MSANTD2: variants seen among roughly 807,000 people sequenced by gnomAD.
MSANTD2 encodes the protein myb/SANT-like DNA-binding domain-containing protein 2.
A neutral mutation model predicts 52.6 loss-of-function variants in MSANTD2; 19 were observed. The ratio of observed to expected loss-of-function variants is 0.36; its 90% CI spans 0.25 to 0.53. MSANTD2 has a LOEUF of 0.53. MSANTD2 is among the 20% of genes least tolerant of loss of function. The pLI is 0.91. For missense variants in MSANTD2, 558 were observed against 716.3 expected (o/e 0.78, Z 2.52); for synonymous variants, 291 against 289.7 (o/e 1.00, Z -0.04).
intron 1 of MSANTD2, among the ~76,000 whole-genome samples, chr11:124,799,050 T>C (rs1015980847): frequency 2.6e-5 from 4 of 152,212 alleles, no homozygotes; most frequent in East Asian, 1.9e-4. Flanking sequence ...CATTTAAACA[T>C]GCAGGTACAC....
At chr11:124,791,079 T>G in intron 1 of MSANTD2, 1 of 559,726 alleles carries the variant, frequency 1.8e-6, no homozygotes, top group Non-Finnish European at 3.2e-6. Context: ...GATGAAGAGA[T>G]AACGTGTAAG....
At chr11:124,791,250 C>T in intron 1 of MSANTD2, 1 of 1,442,248 alleles carries the variant, frequency 6.9e-7, no homozygotes, top group South Asian at 1.1e-5. Context: ...TCACAACAAG[C>T]AAACCTGGAG....
At position 124,795,548 on chromosome 11, in the gene MSANTD2, T is replaced by C. The variant is rs1258928051; in HGVS notation, c.510+4323A>G. On this transcript the variant is annotated intron_variant, in intron 1 of 3. Coordinates refer to ENST00000374979, the MANE Select transcript of MSANTD2 (RefSeq NM_001308027.2). ...ACACTTATAGTCTGCTTTAGGCAAATAACACTAAATCAAGTACCGCCTTGC... is the reference window on the plus strand; with the variant it reads ...ACACTTATAGTCTGCTTTAGGCAAACAACACTAAATCAAGTACCGCCTTGC... 3.3e-5 allele frequency among the ~76,000 whole-genome samples: 5 copies of C among 152,196 alleles called. No individual in the cohort carries two copies. The East Asian group carries it at 7.7e-4, about 23-fold the overall frequency.
chr11:124,788,073 C>A (rs1945215979), intron 1 of MSANTD2, among the ~76,000 whole-genome samples: 1 of 144,258 alleles, frequency 6.9e-6, no homozygotes, highest in Middle Eastern at 3.4e-3. Context: ...CAGAGCAAGA[C>A]CCTGTCTCAA....
rs559172726 is a variant in MSANTD2, at chr11:124,782,236, C to T, written c.511-7262G>A. 1.1e-4 allele frequency among the ~76,000 whole-genome samples: 17 copies of T among 151,858 alleles called. No individual in the cohort carries two copies. The South Asian group carries it at 1.7e-3, about 15-fold the overall frequency. ...GCCAAGGCTGGAGGACGCTTCAAGG[C>T]CAGGAGTCAAGACCAGCCTGGTCAA... On this transcript the variant is annotated intron_variant, in intron 1 of 3. Coordinates refer to ENST00000374979, the MANE Select transcript of MSANTD2 (RefSeq NM_001308027.2).
chr11:124,772,920 A>G, intron 3 of MSANTD2, 74 bp downstream of exon 3: 1 of 948,246 alleles, frequency 1.1e-6, no homozygotes. Context: ...ATATGTCTAA[A>G]TATTTTCTGA....
chr11:124,798,877 G>C (rs1464585143), intron 1 of MSANTD2, among the ~76,000 whole-genome samples: 1 of 152,242 alleles, frequency 6.6e-6, no homozygotes, highest in Middle Eastern at 3.4e-3. Context: ...TAAAAACTGG[G>C]AGAATCCTAT....
At position 124,800,038 on chromosome 11, in the gene MSANTD2, C is replaced by A. The variant is rs745420138; in HGVS notation, c.343G>T (p.Val115Leu). The change falls in exon 1 of 4, where the codon GTG becomes TTG. Residue 115 changes from valine (V) to leucine (L), a missense_variant. Coordinates refer to ENST00000374979, the MANE Select transcript of MSANTD2 (RefSeq NM_001308027.2). This position sits in a 1 kb window ranked among gnomAD's most constrained non-coding sequence, Gnocchi z 4.3. ...TCCACCAGCCGCTCGTTGCCCCACA[C>A]TGCGATGAGCGCGTTCGTCTCGGCT... ...TPAETNALIA[V>L]WGNERLVEAR... 10 of 1,574,486 alleles carry A rather than the reference C, an allele frequency of 6.4e-6. No individual in the cohort carries two copies. The highest frequency in any genetic ancestry group is 7.7e-6 in the Non-Finnish European group (9 of 1,170,068).
intron 1 of MSANTD2, among the ~76,000 whole-genome samples, chr11:124,788,798 T>A (rs547979610): frequency 6.6e-6 from 1 of 152,204 alleles, no homozygotes; most frequent in East Asian, 1.9e-4. Flanking sequence ...AGGAATGATA[T>A]AAAATCATGT....
intron 1 of MSANTD2, among the ~76,000 whole-genome samples, chr11:124,793,805 T>G (rs1034934503): frequency 6.6e-6 from 1 of 152,072 alleles, no homozygotes; most frequent in African/African-American, 2.4e-5. Flanking sequence ...CATTTTTTTT[T>G]TTTACTTTTA....
At chr11:124,780,092 T>C (rs1944903497) in intron 1 of MSANTD2, among the ~76,000 whole-genome samples, 2 of 152,332 alleles carry the variant, frequency 1.3e-5, no homozygotes, top group Middle Eastern at 3.4e-3. Context: ...ATTAATTTCT[T>C]GAGCTATATT....
chr11:124,776,615 A>C lies in MSANTD2; in HGVS notation c.511-1641T>G, dbSNP rs556862228. Among the ~76,000 whole-genome samples, 6 of 152,368 alleles carry C rather than the reference A, an allele frequency of 3.9e-5. No individual in the cohort carries two copies. The East Asian group carries it at 1.2e-3, about 29-fold the overall frequency. On this transcript the variant is annotated intron_variant, in intron 1 of 3. Coordinates refer to ENST00000374979, the MANE Select transcript of MSANTD2 (RefSeq NM_001308027.2). The stretch of plus-strand genomic sequence containing the variant: ...CCCAGCCAGGAAGTTCAGTATCTTT[A>C]AATCACAGTTGACAATCTACAAGAC...
chr11:124,786,095 CTTTTT>C (rs200399771), intron 1 of MSANTD2, among the ~76,000 whole-genome samples: 9 of 114,408 alleles, frequency 7.9e-5, no homozygotes, highest in African/African-American at 2.7e-4. Flanking sequence ...ATCATTTCTT[CTTTTT>C]TTTTTTTTTT....
At chr11:124,770,555 G>A (rs1184904612) in intron 3 of MSANTD2, among the ~76,000 whole-genome samples, 2 of 151,948 alleles carry the variant, frequency 1.3e-5, no homozygotes, top group East Asian at 1.9e-4. Context: ...CGCCTTGGCC[G>A]CCCAGGATGC....
chr11:124,770,674 C>T (rs964516485), intron 3 of MSANTD2, among the ~76,000 whole-genome samples: 2 of 151,928 alleles, frequency 1.3e-5, no homozygotes, highest in African/African-American at 4.8e-5. Context: ...GGCACCATCT[C>T]GGCTCACTGC....
At position 124,767,014 on chromosome 11, in the gene MSANTD2, G is replaced by A; in HGVS notation, c.*162C>T. 1 of 694,862 alleles carries A rather than the reference G, an allele frequency of 1.4e-6. No homozygotes were observed. The highest frequency in any genetic ancestry group is 2.3e-6 in the Non-Finnish European group (1 of 437,906). The allele number at this position is 694,862 out of a possible 1,614,324, so 43.0% of individuals were successfully genotyped here. A position where few individuals can be genotyped will look rare whatever the true frequency, so the allele number is the denominator to read the frequency against. ...TTTCAGGTGAGGTCTGTTTTTTCTGGCCCAAGTCTACTATGATTCCTTAGA... is the reference window on the plus strand; with the variant it reads ...TTTCAGGTGAGGTCTGTTTTTTCTGACCCAAGTCTACTATGATTCCTTAGA... On this transcript the variant is annotated 3_prime_UTR_variant, in exon 4 of 4. Coordinates refer to ENST00000374979, the MANE Select transcript of MSANTD2 (RefSeq NM_001308027.2). The surrounding 1 kb of genome is among the most constrained non-coding windows in gnomAD (Gnocchi z 6.5).
At chr11:124,772,886 T>C (rs1944589837) in intron 3 of MSANTD2, 108 bp downstream of exon 3, 4 of 729,110 alleles carry the variant, frequency 5.5e-6, no homozygotes, top group Admixed American at 4.7e-5. Context: ...CATGCCTCCT[T>C]GGTGAATGGC....
chr11:124,791,408 C>CA, intron 1 of MSANTD2: 1 of 1,333,834 alleles, frequency 7.5e-7, no homozygotes, highest in Non-Finnish European at 1.1e-6. Context: ...CCTTAGAACT[C>CA]AGTGTACAGG....
rs563174318 is a variant in MSANTD2, at chr11:124,789,253, T to C, written c.510+10618A>G. On this transcript the variant is annotated intron_variant, in intron 1 of 3. Transcript: ENST00000374979. ...TAATAAAAGCAGTTTTGGGTAGATA[T>C]GAACTTTTATTCTGGTTTTATTAAT... is the stretch of plus-strand genomic sequence containing the variant. 2.6e-5 allele frequency: 4 copies of C among 152,332 alleles called. No individual in the cohort carries two copies. The South Asian group carries it at 8.3e-4, about 32-fold the overall frequency. 9.4% of individuals were successfully genotyped at this position (152,332 alleles called of 1,614,324 possible). A position where few individuals can be genotyped will look rare whatever the true frequency, so the allele number is the denominator to read the frequency against.
Sources: gnomAD v4.1 joint callset for allele counts (sites outside exome capture counted in the v4.1 genomes callset) on GRCh38, gnomAD v4.1.1 for gene constraint, Gnocchi (gnomAD v3.1) non-coding constraint, MANE v1.5 for transcripts, NCBI Gene and HGNC (gene_info 2026-07-23, HGNC 2026-07-21) for gene names.